ROBO2: variants seen among roughly 807,000 people sequenced by gnomAD.
ROBO2 encodes the protein roundabout homolog 2.
ROBO2 carries 53 observed loss-of-function variants against 160.8 expected under a neutral mutation model. The ratio of observed to expected loss-of-function variants is 0.33; its 90% CI spans 0.26 to 0.41. The LOEUF (loss-of-function observed/expected upper bound fraction) is 0.41, where lower values mean the gene tolerates loss of function less well. Ranked by LOEUF, ROBO2 falls within the 10% of genes least tolerant of loss-of-function variation. ROBO2 has a pLI of 1.00. For missense variants in ROBO2, 1,577 were observed against 1,722.4 expected (o/e 0.92, Z 1.49); for synonymous variants, 664 against 611.7 (o/e 1.09, Z -1.26).
intron 2 of ROBO2, among the ~76,000 whole-genome samples, chr3:77,322,094 T>C (rs751507399): frequency 6.6e-6 from 1 of 152,198 alleles, no homozygotes; most frequent in Non-Finnish European, 1.5e-5. Flanking sequence ...CACTGTTTTA[T>C]ACCATAATAA....
chr3:76,560,113 T>A (rs559597442), intron 2 of ROBO2, among the ~76,000 whole-genome samples: 1 of 152,108 alleles, frequency 6.6e-6, no homozygotes, highest in Non-Finnish European at 1.5e-5. Context: ...TTAAAATAGA[T>A]GTCTTTCCTA....
intron 2 of ROBO2, among the ~76,000 whole-genome samples, chr3:77,008,549 G>A (rs1311659231): frequency 6.6e-6 from 1 of 152,100 alleles, no homozygotes; most frequent in Non-Finnish European, 1.5e-5. Context: ...TTGTGGGTGG[G>A]GAATAGTAAT....
chr3:76,059,108 A>C (rs1474136029), intron 2 of ROBO2, among the ~76,000 whole-genome samples: 2 of 151,760 alleles, frequency 1.3e-5, no homozygotes, highest in African/African-American at 4.8e-5. Flanking sequence ...CGCAATAAAC[A>C]TACGTGTGCA....
At chr3:76,433,875 T>G (rs926098545) in intron 2 of ROBO2, 2 of 575,290 alleles carry the variant, frequency 3.5e-6, no homozygotes, top group African/African-American at 3.8e-5. Context: ...CTCTATCTAT[T>G]TTCTTTGAAG....
intron 11 of ROBO2, 121 bp from the exon 13 acceptor site, chr3:77,564,833 G>A (rs1582978323): frequency 1.2e-6 from 1 of 836,052 alleles, no homozygotes; most frequent in Non-Finnish European, 2.0e-6. Context: ...AATACTTCAA[G>A]TGTTGTGTGT....
intron 2 of ROBO2, among the ~76,000 whole-genome samples, chr3:77,331,411 A>C (rs1560552955): frequency 1.3e-5 from 2 of 152,334 alleles, no homozygotes; most frequent in South Asian, 4.1e-4. Flanking sequence ...GCAGTGGGGT[A>C]GACTGAAAAA....
intron 2 of ROBO2, among the ~76,000 whole-genome samples, chr3:77,362,714 A>G (rs961876103): frequency 7.9e-5 from 12 of 152,160 alleles, no homozygotes; most frequent in Admixed American, 2.6e-4. Flanking sequence ...GACATACCCA[A>G]GACTGGGTAA....
chr3:76,879,488 T>C (rs565482718), intron 2 of ROBO2, among the ~76,000 whole-genome samples: 2 of 152,028 alleles, frequency 1.3e-5, no homozygotes, highest in African/African-American at 4.8e-5. Context: ...TCTGAAAAAA[T>C]AATATGAAGA....
intron 2 of ROBO2, among the ~76,000 whole-genome samples, chr3:76,507,513 C>T (rs2080858103): frequency 6.6e-6 from 1 of 151,982 alleles, no homozygotes. Context: ...AATTGTAATA[C>T]TGAAGTTCCC....
chr3:77,075,365 A>G (rs1339255568), intron 1 of ROBO2, among the ~76,000 whole-genome samples: 2 of 152,092 alleles, frequency 1.3e-5, no homozygotes, highest in Admixed American at 1.3e-4. Context: ...TAAGATTTTA[A>G]TTTGAGAGTA....
intron 2 of ROBO2, among the ~76,000 whole-genome samples, chr3:76,694,264 G>A (rs897456441): frequency 1.2e-4 from 18 of 152,114 alleles, no homozygotes; most frequent in African/African-American, 4.3e-4. Flanking sequence ...AGATCAAAAA[G>A]CTGCTAAAAG....
chr3:77,299,568 C>G (rs1052158992), intron 2 of ROBO2, among the ~76,000 whole-genome samples: 1 of 152,162 alleles, frequency 6.6e-6, no homozygotes, highest in Admixed American at 6.6e-5. Context: ...ATAAAACCAT[C>G]AGATTCCCTG....
rs140047168 is a variant in ROBO2, at chr3:75,917,349, C to G, written c.-14+10389C>G. Among the ~76,000 whole-genome samples, 796 of 152,224 alleles carry G rather than the reference C, an allele frequency of 5.2e-3. 8 individuals carry two copies. Among genetic ancestry groups the G allele is most frequent in the African/African-American group, 0.019 (773 of 41,522 alleles). ...TGATGGTTCCAGCTTCATCCATGTC[C>G]CTGCAAAGGACATGAACTCATCGTT... On this transcript the variant is annotated intron_variant, in intron 1 of 26. Coordinates refer to the ROBO2 transcript ENST00000487694.
Position 77,120,967 on chromosome 3 carries a change from C to T in ROBO2, c.388+22627C>T, listed in dbSNP as rs565911444. ...TTTATTATTATTATTATTTTTGAGA[C>T]GGAGTCTCACTTTGTCACCCAGGCT... On this transcript the variant is annotated intron_variant, in intron 2 of 25. Transcript: ENST00000461745. Among the ~76,000 whole-genome samples the T allele has an allele frequency of 7.4e-4, 113 of 152,092 alleles. No individual in the cohort carries two copies. The Middle Eastern group carries it at 0.01, about 14-fold the overall frequency.
intron 2 of ROBO2, among the ~76,000 whole-genome samples, chr3:76,154,214 G>A (rs957837400): frequency 3.9e-5 from 6 of 152,126 alleles, no homozygotes; most frequent in African/African-American, 1.4e-4. Flanking sequence ...GAAAAAGAAT[G>A]TGATTCAAGT....
intron 4 of ROBO2, among the ~76,000 whole-genome samples, chr3:77,484,293 A>T (rs1463563492): frequency 6.6e-6 from 1 of 152,072 alleles, no homozygotes; most frequent in African/African-American, 2.4e-5. Context: ...GAGAAAGTAG[A>T]GTTGAAGTAA....
In ROBO2 at chr3:76,628,033, GA is replaced by G. The variant is rs1366043641; in HGVS notation, c.110-469975del. 3.3e-5 allele frequency among the ~76,000 whole-genome samples: 3 copies of G among 91,414 alleles called. No individual in the cohort carries two copies. In the East Asian group the frequency reaches 1.2e-3, roughly 38 times the overall value. 60.0% of individuals were successfully genotyped at this position (91,414 alleles called of 152,430 possible). A position where few individuals can be genotyped will look rare whatever the true frequency, so the allele number is the denominator to read the frequency against. The stretch of plus-strand genomic sequence containing the variant: ...AGTAGTTTTAAGTCCTTTGGCTAAG[GA>G]AAAAAGGTATATTAGGTGACTTAAG... On this transcript the variant is annotated intron_variant, in intron 2 of 26. Transcript: ENST00000487694.
At chr3:76,035,963 G>A (rs1033619050) in intron 2 of ROBO2, among the ~76,000 whole-genome samples, 3 of 151,758 alleles carry the variant, frequency 2.0e-5, no homozygotes, top group South Asian at 2.1e-4. Context: ...AACAGCTTTC[G>A]AAGAATTACT....
intron 2 of ROBO2, among the ~76,000 whole-genome samples, chr3:76,771,240 C>T (rs72894231): frequency 0.012 from 1,740 of 151,210 alleles, 31 homozygotes; most frequent in African/African-American, 0.039. Context: ...AACATGCCAC[C>T]GATGATCTTC....
Sources: gnomAD v4.1 joint callset for allele counts (sites outside exome capture counted in the v4.1 genomes callset) on GRCh38, gnomAD v4.1.1 for gene constraint, MANE v1.5 for transcripts, NCBI Gene and HGNC (gene_info 2026-07-23, HGNC 2026-07-21) for gene names.